The following NLRP2 variants were observed in gnomAD, a reference collection of about 807,000 sequenced individuals.
The protein encoded by NLRP2 is NACHT, LRR and PYD domains-containing protein 2.
In NLRP2, 107 loss-of-function variants were observed where a neutral mutation model predicts 97.2. That is an observed-to-expected ratio of 1.10 (90% CI 0.94 to 1.29). NLRP2 has a LOEUF of 1.29. NLRP2 is among the 50% of genes most tolerant of loss of function. The pLI is 0.00. For synonymous variants in NLRP2, 663 were observed against 551.5 expected (o/e 1.20, Z -2.83); for missense variants, 1,495 against 1,330.3 (o/e 1.12, Z -1.93).
At chr19:54,979,075 C>T (rs1215061141) in intron 4 of NLRP2, among the ~76,000 whole-genome samples, 5 of 151,734 alleles carry the variant, frequency 3.3e-5, no homozygotes, top group Admixed American at 1.3e-4. Flanking sequence ...ATCTCTGCCT[C>T]CTGGGTTCAA....
intron 4 of NLRP2, among the ~76,000 whole-genome samples, chr19:54,979,896 C>G (rs967901516): frequency 3.3e-5 from 5 of 152,076 alleles, no homozygotes; most frequent in African/African-American, 1.2e-4. Context: ...CCTGCCTCAG[C>G]CTCCCAAATA....
Position 54,979,977 on chromosome 19 carries a change from G to A in NLRP2, c.398-1640G>A, listed in dbSNP as rs142059461. Among the ~76,000 whole-genome samples the A allele has an allele frequency of 2.1e-3, 326 of 151,870 alleles. 1 individual carries two copies. The highest frequency in any genetic ancestry group is 7.7e-3 in the African/African-American group (317 of 41,436). ...ATTTTAGTAGAGACAGGGTTTCACC[G>A]TGTTAGTCAGGATGGTCTGGATCTC... On this transcript the variant is annotated intron_variant, in intron 4 of 12. Coordinates refer to ENST00000448584, the MANE Select transcript of NLRP2 (RefSeq NM_017852.5).
chr19:54,998,472 A>G (rs1343353941), intron 12 of NLRP2, among the ~76,000 whole-genome samples: 1 of 152,176 alleles, frequency 6.6e-6, no homozygotes, highest in Non-Finnish European at 1.5e-5. Context: ...ATTTAACATG[A>G]AACTCAGCCT....
intron 1 of NLRP2, among the ~76,000 whole-genome samples, chr19:54,969,528 G>C (rs369581286): frequency 6.6e-6 from 1 of 151,888 alleles, no homozygotes; most frequent in Non-Finnish European, 1.5e-5. Flanking sequence ...GGTGGTGGGT[G>C]CCCATAATCC....
chr19:54,978,698 T>C (rs1488649487), intron 4 of NLRP2, among the ~76,000 whole-genome samples: 2 of 151,482 alleles, frequency 1.3e-5, no homozygotes, highest in Non-Finnish European at 2.9e-5. Flanking sequence ...AACACAAAAA[T>C]TAGCCGGGTG....
chr19:54,983,342 C>A lies in NLRP2; in HGVS notation c.1644C>A (p.Pro548=). ...CCGGAGTAGAAAGACTCAGGAACCCCGACCTGATCCAAGCAGGCTACTACT... is the reference window on the plus strand; with the variant it reads ...CCGGAGTAGAAAGACTCAGGAACCCAGACCTGATCCAAGCAGGCTACTACT... ...LLSGVERLRN[P]DLIQAGYYSF... The change falls in exon 6 of 13, where the codon CCC becomes CCA. Residue 548 remains proline (P), a synonymous_variant. Transcript: ENST00000448584. 3.7e-6 allele frequency: 6 copies of A among 1,614,184 alleles called. No individual in the cohort carries two copies. Among genetic ancestry groups the A allele is most frequent in the Non-Finnish European group, 5.1e-6 (6 of 1,180,028 alleles).
At position 54,982,566 on chromosome 19, in the gene NLRP2, T is replaced by C. The variant is rs1298711482; in HGVS notation, c.868T>C (p.Phe290Leu). Residue 290 changes from phenylalanine (F) to leucine (L), a missense_variant, in exon 6 of 13, where the codon TTT becomes CTT. Physicochemically the swap from Phe to Leu is conservative, Grantham distance 22. Coordinates refer to ENST00000448584, the MANE Select transcript of NLRP2 (RefSeq NM_017852.5). Reference sequence around the variant, plus strand: ...GAAAATCTTGTTCGTGATTGACGGCTTTGATGAGCTGGGAGCCGCACCTGG... The same window carrying C: ...GAAAATCTTGTTCGTGATTGACGGCCTTGATGAGCTGGGAGCCGCACCTGG... ...ARKILFVIDGFDELGAAPGAL... is the reference protein window; with the variant it reads ...ARKILFVIDGLDELGAAPGAL... The C allele has an allele frequency of 2.5e-6, 4 of 1,614,084 alleles. No homozygotes were observed. The highest frequency in any genetic ancestry group is 2.7e-5 in the African/African-American group (2 of 74,932).
chr19:54,974,656 G>T, intron 3 of NLRP2, 112 bp downstream of exon 3: 1 of 830,866 alleles, frequency 1.2e-6, no homozygotes. Flanking sequence ...GCCGGACTTA[G>T]CATCCCTGCT....
At chr19:54,977,870 C>T (rs752563651) in intron 4 of NLRP2, 47 bp downstream of exon 4, 41 of 1,542,748 alleles carry the variant, frequency 2.7e-5, no homozygotes, top group East Asian at 9.0e-5. Context: ...GGAAGCCCCC[C>T]GTTCTTGCTG....
At chr19:54,967,482 AAAAAT>A (rs1332415021) in intron 1 of NLRP2, among the ~76,000 whole-genome samples, 55 of 152,246 alleles carry the variant, frequency 3.6e-4, no homozygotes, top group East Asian at 7.7e-4. Flanking sequence ...AACTGTCTCA[AAAAAT>A]AAAATAAAAT....
At chr19:54,999,515 C>T (rs1219505121) in intron 12 of NLRP2, among the ~76,000 whole-genome samples, 2 of 152,096 alleles carry the variant, frequency 1.3e-5, no homozygotes, top group African/African-American at 2.4e-5. Context: ...GGTGATAGAG[C>T]GGGTAAGCAG....
In NLRP2 at chr19:54,966,433, C is replaced by G. The variant is rs535201423; in HGVS notation, c.-52C>G. On this transcript the variant is annotated 5_prime_UTR_variant, in exon 1 of 13. Coordinates refer to ENST00000448584, the MANE Select transcript of NLRP2 (RefSeq NM_017852.5). Reference sequence around the variant, plus strand: ...TAGAGCTTTCTCAACCTGCAGCCCTCATCTCCGCCGGCGAGTAGGGCCAGG... The same window carrying G: ...TAGAGCTTTCTCAACCTGCAGCCCTGATCTCCGCCGGCGAGTAGGGCCAGG... The G allele has an allele frequency of 6.6e-6, 1 of 152,156 alleles. No homozygotes were observed. The highest frequency in any genetic ancestry group is 2.4e-5 in the African/African-American group (1 of 41,442). The allele number at this position is 152,156 out of a possible 1,614,324, so 9.4% of individuals were successfully genotyped here. A position where few individuals can be genotyped will look rare whatever the true frequency, so the allele number is the denominator to read the frequency against.
At chr19:54,976,320 T>G (rs899173796) in intron 3 of NLRP2, among the ~76,000 whole-genome samples, 2 of 150,576 alleles carry the variant, frequency 1.3e-5, no homozygotes, top group Non-Finnish European at 3.0e-5. Flanking sequence ...CCCAAAGTGT[T>G]GGGATTACAG....
chr19:54,975,939 C>T (rs1407569197), intron 3 of NLRP2, among the ~76,000 whole-genome samples: 3 of 151,930 alleles, frequency 2.0e-5, no homozygotes, highest in Non-Finnish European at 4.4e-5. Flanking sequence ...TTGGTAGGGA[C>T]AGTTTCACTA....
rs768838945 is a variant in NLRP2 at position 54,982,398 on chromosome 19, A to G, written c.700A>G (p.Asn234Asp). Residue 234 changes from asparagine to aspartate, a missense_variant, in exon 6 of 13, where the codon AAC becomes GAC. Asn to Asp is a conservative substitution (Grantham distance 23). Coordinates refer to ENST00000448584, the MANE Select transcript of NLRP2 (RefSeq NM_017852.5). ...QKLMLDWAED[N>D]LIHKFKYAFY... ...ACTAATGCTAGACTGGGCAGAGGAC[A>G]ACCTCATCCACAAATTCAAATATGC... 7.4e-6 allele frequency: 12 copies of G among 1,614,036 alleles called. No individual in the cohort carries two copies. The Admixed American group carries it at 1.0e-4, about 13-fold the overall frequency.
At chr19:54,996,840 C>T (rs1368515094) in intron 11 of NLRP2, among the ~76,000 whole-genome samples, 1 of 152,108 alleles carries the variant, frequency 6.6e-6, no homozygotes, top group African/African-American at 2.4e-5. Context: ...TCCCTGTACC[C>T]CTTGCCCTTC....
At chr19:54,972,759 A>G (rs1314170329) in intron 2 of NLRP2, among the ~76,000 whole-genome samples, 1 of 152,128 alleles carries the variant, frequency 6.6e-6, no homozygotes, top group Non-Finnish European at 1.5e-5. Context: ...GTGCCTGGCC[A>G]GTGCAGCTTT....
chr19:54,971,890 A>G (rs1175356846), intron 2 of NLRP2, among the ~76,000 whole-genome samples: 1 of 151,994 alleles, frequency 6.6e-6, no homozygotes, highest in African/African-American at 2.4e-5. Flanking sequence ...ATTTAGCAGC[A>G]CGATCTCGGC....
At chr19:54,979,959 T>TAG (rs754611759) in intron 4 of NLRP2, among the ~76,000 whole-genome samples, 1 of 151,830 alleles carries the variant, frequency 6.6e-6, no homozygotes, top group East Asian at 2.0e-4. Flanking sequence ...TGTATTTTAG[T>TAG]AGAGACAGGG....
Sources: gnomAD v4.1 joint callset for allele counts (sites outside exome capture counted in the v4.1 genomes callset) on GRCh38, gnomAD v4.1.1 for gene constraint, MANE v1.5 for transcripts, NCBI Gene and HGNC (gene_info 2026-07-23, HGNC 2026-07-21) for gene names.